The following COL4A2 variants were observed in gnomAD, a reference collection of about 807,000 sequenced individuals.
The protein encoded by COL4A2 is collagen type IV alpha 2 chain.
In COL4A2, 99 loss-of-function variants were observed where a neutral mutation model predicts 200.2. That is an observed-to-expected ratio of 0.49 (90% CI 0.42 to 0.58). The LOEUF is 0.58. Ranked by LOEUF, COL4A2 falls within the 20% of genes least tolerant of loss-of-function variation. The probability of loss-of-function intolerance (pLI) is 0.00; values close to 1 mark genes in which losing one functional copy is unlikely to be tolerated. For synonymous variants in COL4A2, 897 were observed against 900.6 expected (o/e 1.00, Z 0.07); for missense variants, 1,950 against 2,314.1 (o/e 0.84, Z 3.23).
intron 3 of COL4A2, among the ~76,000 whole-genome samples, chr13:110,335,175 T>A (rs1294820333): frequency 6.6e-6 from 1 of 152,156 alleles, no homozygotes; most frequent in African/African-American, 2.4e-5. Flanking sequence ...GTTGGGAGTC[T>A]GCTGACCTCC....
chr13:110,316,058 T>C (rs1175743148), intron 3 of COL4A2, among the ~76,000 whole-genome samples: 1 of 152,134 alleles, frequency 6.6e-6, no homozygotes, highest in African/African-American at 2.4e-5. Context: ...GTCTGAAAGA[T>C]TTGCATTTTT....
intron 4 of COL4A2, among the ~76,000 whole-genome samples, chr13:110,385,467 G>A (rs370155113): frequency 0.015 from 1,254 of 84,248 alleles, 59 homozygotes; most frequent in East Asian, 0.041. Context: ...GTGTGGATAG[G>A]CCGTGGTTAC....
intron 3 of COL4A2, among the ~76,000 whole-genome samples, chr13:110,317,217 A>G (rs758117444): frequency 9.9e-5 from 15 of 151,450 alleles, no homozygotes; most frequent in Non-Finnish European, 1.6e-4. Flanking sequence ...CGTGCACCCC[A>G]CACACACAGA....
chr13:110,462,312 C>G lies in COL4A2; in HGVS notation c.1704C>G (p.Pro568=). Residue 568 remains proline (P), a synonymous_variant, in exon 24 of 48, where the codon CCC becomes CCG. Coordinates refer to ENST00000360467, the MANE Select transcript of COL4A2 (RefSeq NM_001846.4). Reference sequence around the variant, plus strand: ...GACAGCCCGGCGTCCCAGGTGTGCCCGGGATGAAAGGTGACGATGGCAGCC... The same window carrying G: ...GACAGCCCGGCGTCCCAGGTGTGCCGGGGATGAAAGGTGACGATGGCAGCC... ...ERGQPGVPGV[P]GMKGDDGSPG... 2.5e-6 allele frequency: 4 copies of G among 1,614,172 alleles called. No homozygotes were observed. The highest frequency in any genetic ancestry group is 3.4e-6 in the Non-Finnish European group (4 of 1,180,036).
intron 3 of COL4A2, among the ~76,000 whole-genome samples, chr13:110,351,219 T>TTTTGTTTGTTTGTTTG (rs58217892): frequency 6.7e-6 from 1 of 149,914 alleles, no homozygotes; most frequent in Non-Finnish European, 1.5e-5. Context: ...CAGCTATTCT[T>TTTTGTTTGTTTGTTTG]TTTGTTTGTT....
At chr13:110,327,070 AC>A (rs141864809) in intron 3 of COL4A2, among the ~76,000 whole-genome samples, 18,973 of 152,106 alleles carry the variant, frequency 0.12, 1,623 homozygotes, top group Non-Finnish European at 0.19. Flanking sequence ...CACCGCTCCC[AC>A]CCCAGCCCTG....
intron 3 of COL4A2, among the ~76,000 whole-genome samples, chr13:110,322,213 G>T (rs1158039539): frequency 6.6e-6 from 1 of 152,196 alleles, no homozygotes; most frequent in Non-Finnish European, 1.5e-5. Flanking sequence ...GGAAGCCTGG[G>T]GCTGGCCTGC....
intron 40 of COL4A2, among the ~76,000 whole-genome samples, chr13:110,500,914 T>TG (rs929080338): frequency 5.3e-5 from 8 of 152,074 alleles, no homozygotes; most frequent in African/African-American, 1.9e-4. Context: ...ACACAATACA[T>TG]GGGGGGCATT....
rs780630242 is a variant in COL4A2, at chr13:110,480,285, C to A, written c.2653C>A (p.Leu885Ile). ...TCCTGGCCCTGTGGGCATGAAAGGT[C>A]TCTCTGGTGACAGAGGAGATGCTGG... The part of the protein sequence containing the change: ...GAPGPVGMKG[L>I]SGDRGDAGFT... Residue 885 changes from leucine (L) to isoleucine (I), a missense_variant, in exon 31 of 48, where the codon CTC becomes ATC. By Grantham distance (5) the Leu-to-Ile change is conservative. Coordinates refer to ENST00000360467, the MANE Select transcript of COL4A2 (RefSeq NM_001846.4). 6 of 1,613,936 alleles carry A rather than the reference C, an allele frequency of 3.7e-6. 1 individual carries two copies. Among genetic ancestry groups the A allele is most frequent in the Non-Finnish European group, 5.1e-6 (6 of 1,179,880 alleles).
intron 4 of COL4A2, among the ~76,000 whole-genome samples, chr13:110,384,281 G>A (rs1878599884): frequency 6.6e-6 from 1 of 152,214 alleles, no homozygotes; most frequent in Non-Finnish European, 1.5e-5. Flanking sequence ...CTACCATCTT[G>A]ATGGTTCATC....
At chr13:110,334,047 G>T (rs953547163) in intron 3 of COL4A2, among the ~76,000 whole-genome samples, 1 of 152,222 alleles carries the variant, frequency 6.6e-6, no homozygotes, top group Non-Finnish European at 1.5e-5. Context: ...CGGCTGGATG[G>T]CAGTGACCAT....
At chr13:110,321,200 GTC>G (rs1885268410) in intron 3 of COL4A2, among the ~76,000 whole-genome samples, 1 of 133,782 alleles carries the variant, frequency 7.5e-6, no homozygotes, top group Non-Finnish European at 1.6e-5. Context: ...GTGTGTATGT[GTC>G]TGTGTGTATA....
Position 110,493,073 on chromosome 13 carries a change from ACCCC to A in COL4A2, c.3563-136_3563-133del, listed in dbSNP as rs1883339772. 4.5e-4 allele frequency: 380 copies of A among 853,262 alleles called. 9 individuals carry two copies. Among genetic ancestry groups the A allele is most frequent in the South Asian group, 1.6e-3 (117 of 71,572 alleles). The allele number at this position is 853,262 out of a possible 1,614,324, so 52.9% of individuals were successfully genotyped here. Reference sequence around the variant, plus strand: ...CACAGGTGAAATAACGATGAGTGACACCCCCATGGGTGAAATAACGATGAGTGAC... The same window carrying A: ...CACAGGTGAAATAACGATGAGTGACACATGGGTGAAATAACGATGAGTGAC... On this transcript the variant is annotated intron_variant, in intron 38 of 47. Coordinates refer to ENST00000360467, the MANE Select transcript of COL4A2 (RefSeq NM_001846.4).
chr13:110,389,313 C>CTA (rs1416781604), intron 4 of COL4A2, among the ~76,000 whole-genome samples: 12 of 152,354 alleles, frequency 7.9e-5, no homozygotes, highest in African/African-American at 2.9e-4. Context: ...TCACCCTTTT[C>CTA]TATAAAGTAG....
intron 4 of COL4A2, among the ~76,000 whole-genome samples, chr13:110,419,034 A>G (rs1046633641): frequency 1.1e-4 from 17 of 152,218 alleles, no homozygotes; most frequent in African/African-American, 4.1e-4. Context: ...CAAAGAGCTC[A>G]CAGAAATTAA....
chr13:110,388,402 G>A (rs1878851738), intron 4 of COL4A2, among the ~76,000 whole-genome samples: 1 of 152,262 alleles, frequency 6.6e-6, no homozygotes, highest in East Asian at 1.9e-4. Flanking sequence ...CTGGCACCGC[G>A]GCCTCTCCTC....
Position 110,463,831 on chromosome 13 carries a change from C to T in COL4A2, c.1776+1447C>T, listed in dbSNP as rs191767807. 2.8e-4 allele frequency among the ~76,000 whole-genome samples: 43 copies of T among 152,312 alleles called. No individual in the cohort carries two copies. In the East Asian group the frequency reaches 5.0e-3, roughly 18 times the overall value. On this transcript the variant is annotated intron_variant, in intron 24 of 47. Coordinates refer to ENST00000360467, the MANE Select transcript of COL4A2 (RefSeq NM_001846.4). ...TTTTATAGACATCAGCCACCACACC[C>T]GGCCCACATTTTTACAATTTAAGTG...
intron 3 of COL4A2, among the ~76,000 whole-genome samples, chr13:110,308,641 A>G (rs539713560): frequency 1.3e-5 from 2 of 152,252 alleles, no homozygotes; most frequent in African/African-American, 4.8e-5. Flanking sequence ...CGAGGGAACA[A>G]TGGCAGAAAA....
At chr13:110,346,570 A>G (rs1202467082) in intron 3 of COL4A2, among the ~76,000 whole-genome samples, 2 of 151,816 alleles carry the variant, frequency 1.3e-5, no homozygotes, top group East Asian at 3.9e-4. Context: ...GTGCTCCGAG[A>G]TGGAAATTGC....
Sources: allele counts gnomAD v4.1 joint callset (sites outside exome capture counted in the v4.1 genomes callset), GRCh38; gene constraint gnomAD v4.1.1; transcripts MANE v1.5; gene names NCBI Gene and HGNC (gene_info 2026-07-23, HGNC 2026-07-21).